The following FARP2 variants were observed in gnomAD, a reference collection of about 807,000 sequenced individuals.
FARP2 encodes the protein FERM, ARH/RhoGEF and pleckstrin domain protein 2, also known as FERM, ARHGEF and pleckstrin domain-containing protein 2.
A neutral mutation model predicts 130.5 loss-of-function variants in FARP2; 111 were observed. The ratio of observed to expected loss-of-function variants is 0.85; its 90% CI spans 0.73 to 1.00. The LOEUF is 1.00. Ranked by LOEUF, FARP2 falls within the 50% of genes least tolerant of loss-of-function variation. The pLI, the probability that FARP2 is intolerant of heterozygous loss-of-function variation, is 0.00. For synonymous variants in FARP2, 504 were observed against 516.9 expected, an observed-to-expected ratio of 0.98 and a Z score of 0.34; for missense variants, 1,385 against 1,346.3, an observed-to-expected ratio of 1.03 and a Z score of -0.45.
In FARP2 at chr2:241,491,167, A is replaced by G. The variant is rs758557716; in HGVS notation, c.2611A>G (p.Thr871Ala). Reference protein sequence around the residue: ...APALPGRTVCTRPPRSPNEVS... With the variant: ...APALPGRTVCARPPRSPNEVS... ...TGCACTGCCAGGCCGCACTGTGTGC[A>G]CTCGTCCCCCCAGTGAGTGCTGGCC... is the stretch of plus-strand genomic sequence containing the variant. Residue 871 changes from threonine to alanine, a missense_variant, in exon 23 of 27, where the codon ACT becomes GCT. Coordinates refer to ENST00000264042, the MANE Select transcript of FARP2 (RefSeq NM_014808.4). 5.6e-6 allele frequency: 9 copies of G among 1,611,956 alleles called. No individual in the cohort carries two copies. The highest frequency in any genetic ancestry group is 7.6e-6 in the Non-Finnish European group (9 of 1,178,960).
chr2:241,437,876 AGG>A (rs2063283315), intron 12 of FARP2, among the ~76,000 whole-genome samples: 1 of 151,992 alleles, frequency 6.6e-6, no homozygotes, highest in Admixed American at 6.6e-5. Context: ...TGTGTCAGCC[AGG>A]ATGGTCTTGA....
chr2:241,434,509 A>G (rs992278124), intron 10 of FARP2, among the ~76,000 whole-genome samples, 188 bp downstream of exon 10: 6 of 152,168 alleles, frequency 3.9e-5, no homozygotes, highest in African/African-American at 1.4e-4. Context: ...CGCTTAATAA[A>G]AACTTTGCTT....
chr2:241,370,361 G>T (rs1320720200), intron 1 of FARP2, among the ~76,000 whole-genome samples: 5 of 152,038 alleles, frequency 3.3e-5, no homozygotes, highest in Admixed American at 1.3e-4. Context: ...TCTGAAAATT[G>T]CTAAGATACA....
chr2:241,403,294 A>C (rs1004162334), intron 2 of FARP2, among the ~76,000 whole-genome samples: 1 of 151,974 alleles, frequency 6.6e-6, no homozygotes, highest in Non-Finnish European at 1.5e-5. Flanking sequence ...GGCTCACTGC[A>C]GCCTCCTTCT....
At chr2:241,480,885 G>T (rs1176733942) in intron 19 of FARP2, among the ~76,000 whole-genome samples, 1 of 151,952 alleles carries the variant, frequency 6.6e-6, no homozygotes, top group Non-Finnish European at 1.5e-5. Flanking sequence ...CAGTTTTCCC[G>T]GCAGCATTGA....
At chr2:241,437,674 T>A (rs6706458) in intron 12 of FARP2, among the ~76,000 whole-genome samples, 9,363 of 136,074 alleles carry the variant, frequency 0.069, 829 homozygotes, top group African/African-American at 0.21. Flanking sequence ...TTATTTATTT[T>A]TTTTTTTTGA....
chr2:241,478,887 A>G (rs2064543584), intron 19 of FARP2: 1 of 395,090 alleles, frequency 2.5e-6, no homozygotes, highest in African/African-American at 2.1e-5. Flanking sequence ...GATCAGGCCA[A>G]GTTCCTCTAT....
intron 19 of FARP2, chr2:241,479,033 T>C: frequency 1.9e-6 from 1 of 539,612 alleles, no homozygotes; most frequent in South Asian, 2.5e-5. Context: ...ATTTACTCTT[T>C]CCCAAGATGC....
intron 2 of FARP2, 34 bp from the exon 3 acceptor site, chr2:241,403,794 A>T: frequency 7.2e-7 from 1 of 1,388,366 alleles, no homozygotes; most frequent in Non-Finnish European, 1.0e-6. Context: ...TAGTCTTTCA[A>T]TCCTTGTTAT....
intron 9 of FARP2, 77 bp from the exon 10 acceptor site, chr2:241,434,081 G>C (rs185790566): frequency 1.8e-6 from 2 of 1,126,020 alleles, no homozygotes; most frequent in East Asian, 2.6e-5. Flanking sequence ...CCTATCGTGT[G>C]ATCTGCTTCC....
intron 18 of FARP2, among the ~76,000 whole-genome samples, chr2:241,469,760 G>T (rs2124823945): frequency 1.3e-5 from 2 of 152,348 alleles, no homozygotes. Flanking sequence ...ATGCCATGGA[G>T]AAGACTGGGG....
chr2:241,366,102 A>ATAT (rs1388297069), intron 1 of FARP2, among the ~76,000 whole-genome samples: 1,377 of 34,450 alleles, frequency 0.04, 216 homozygotes, highest in Admixed American at 0.28. Flanking sequence ...TAAAAAAAAA[A>ATAT]AAATATATAT....
At chr2:241,359,952 A>C (rs2061149528) in intron 1 of FARP2, among the ~76,000 whole-genome samples, 1 of 152,128 alleles carries the variant, frequency 6.6e-6, no homozygotes, top group Non-Finnish European at 1.5e-5. Context: ...AGCTGTTGTA[A>C]TGTGTACCAG....
intron 2 of FARP2, among the ~76,000 whole-genome samples, chr2:241,402,786 C>T (rs1244029713): frequency 7.4e-6 from 1 of 135,478 alleles, no homozygotes; most frequent in Non-Finnish European, 1.5e-5. Flanking sequence ...CCCACCTCAG[C>T]CTCCTGAGTT....
intron 18 of FARP2, among the ~76,000 whole-genome samples, chr2:241,474,850 G>A (rs2064416686): frequency 6.6e-6 from 1 of 150,630 alleles, no homozygotes; most frequent in African/African-American, 2.4e-5. Context: ...AAGAAAGAAG[G>A]GGGAAAGTGG....
intron 1 of FARP2, 44 bp from the exon 2 acceptor site, chr2:241,373,040 A>T: frequency 9.0e-7 from 1 of 1,109,416 alleles, no homozygotes; most frequent in Non-Finnish European, 1.2e-6. Flanking sequence ...GTACCTAAAT[A>T]ATGTGATAAT....
At chr2:241,363,060 G>A (rs1223391187) in intron 1 of FARP2, among the ~76,000 whole-genome samples, 2 of 152,224 alleles carry the variant, frequency 1.3e-5, no homozygotes, top group Non-Finnish European at 2.9e-5. Flanking sequence ...ACAGGCGGAT[G>A]GGAGAGAAGG....
chr2:241,395,045 T>G (rs2061996300), intron 2 of FARP2, among the ~76,000 whole-genome samples: 1 of 152,210 alleles, frequency 6.6e-6, no homozygotes, highest in Non-Finnish European at 1.5e-5. Context: ...TGCTACCTTA[T>G]TACACTCCCA....
At position 241,493,417 on chromosome 2, in the gene FARP2, G is replaced by A. The variant is rs773838546; in HGVS notation, c.3020G>A (p.Arg1007Gln). The A allele has an allele frequency of 5.6e-5, 90 of 1,613,812 alleles. No homozygotes were observed. The highest frequency in any genetic ancestry group is 1.6e-4 in the Middle Eastern group (1 of 6,062). ...LQFKSHVYFF[R>Q]AESKYTFERW... Reference sequence around the variant, plus strand: ...TTCAAATCCCACGTCTACTTCTTCCGGGCTGAGAGCAAGTACACATTTGAA... The same window carrying A: ...TTCAAATCCCACGTCTACTTCTTCCAGGCTGAGAGCAAGTACACATTTGAA... Residue 1007 changes from arginine to glutamine, a missense_variant, in exon 26 of 27, where the codon CGG becomes CAG. Transcript: ENST00000264042.
Sources: gnomAD v4.1 joint callset for allele counts (sites outside exome capture counted in the v4.1 genomes callset) on GRCh38, gnomAD v4.1.1 for gene constraint, MANE v1.5 for transcripts, NCBI Gene and HGNC (gene_info 2026-07-23, HGNC 2026-07-21) for gene names.